Variants in AFF2 observed in about 807,000 individuals in gnomAD.
The protein encoded by AFF2 is AF4/FMR2 family member 2.
Under a neutral mutation model 76.9 loss-of-function variants are expected in AFF2, and 14 were observed. The ratio of observed to expected loss-of-function variants is 0.18; its 90% CI spans 0.12 to 0.28. AFF2 has a LOEUF of 0.28. AFF2 is among the 10% of genes least tolerant of loss of function. The pLI is 1.00. For synonymous variants in AFF2, 398 were observed against 366.7 expected (o/e 1.09, Z -0.98); for missense variants, 868 against 1,001.1 (o/e 0.87, Z 1.79).
At position 148,987,545 on chromosome X, in the gene AFF2, A is replaced by G. The variant is rs781989413; in HGVS notation, c.3802A>G (p.Arg1268Gly). 5.0e-6 allele frequency: 6 copies of G among 1,209,676 alleles called. No individual in the cohort carries two copies. The highest frequency in any genetic ancestry group is 6.7e-6 in the Non-Finnish European group (6 of 893,871). The change falls in exon 20 of 21, where the codon AGA (arginine) becomes GGA (glycine). Residue 1268 changes from arginine to glycine, a missense_variant. Physicochemically the swap from Arg to Gly is moderately radical, Grantham distance 125. This residue lies in a region of AFF2 where 33 missense variants were observed against 63.6 expected (regional missense o/e 0.52). Coordinates refer to ENST00000370460, the MANE Select transcript of AFF2 (RefSeq NM_002025.4). ...CTGGGATATGGCCGACAAACTGACAAGAGAAAACAAAGGTATGCTCATCTG... is the reference window on the plus strand; with the variant it reads ...CTGGGATATGGCCGACAAACTGACAGGAGAAAACAAAGGTATGCTCATCTG... ...EHWDMADKLT[R>G]ENKEFFGDLD...
chrX:148,955,579 T>C (rs1351488706), intron 10 of AFF2, 24 bp from the exon 11 acceptor site: 1 of 1,182,479 alleles, frequency 8.5e-7, no homozygotes, highest in African/African-American at 1.8e-5. Context: ...AAAATCATTC[T>C]TGCTGCTGTT....
chrX:148,847,355 TGAG>T (rs1351947694), intron 7 of AFF2, among the ~76,000 whole-genome samples: 2 of 111,756 alleles, frequency 1.8e-5, no homozygotes, highest in African/African-American at 6.5e-5. Flanking sequence ...TGAGGACTGT[TGAG>T]GAGATGGCAG....
intron 1 of AFF2, among the ~76,000 whole-genome samples, chrX:148,614,158 G>A (rs1557249864): frequency 8.9e-6 from 1 of 112,125 alleles, no homozygotes; most frequent in Non-Finnish European, 1.9e-5. Flanking sequence ...ATTAGAAATG[G>A]AGACAAACCA....
At chrX:148,592,650 C>A (rs2124374754) in intron 1 of AFF2, among the ~76,000 whole-genome samples, 1 of 111,931 alleles carries the variant, frequency 8.9e-6, no homozygotes, top group African/African-American at 3.2e-5. Context: ...CTGTGACCTT[C>A]TCTGATCCTG....
chrX:148,677,489 T>C (rs1224313575), intron 3 of AFF2, among the ~76,000 whole-genome samples: 5 of 112,365 alleles, frequency 4.4e-5, no homozygotes, highest in Non-Finnish European at 9.4e-5. Flanking sequence ...TTGATAGTAC[T>C]TTAGAGAGCA....
At chrX:148,751,226 G>A (rs782313488) in intron 3 of AFF2, among the ~76,000 whole-genome samples, 4 of 112,368 alleles carry the variant, frequency 3.6e-5, no homozygotes, top group Non-Finnish European at 3.8e-5. Context: ...AACATTTTTG[G>A]TGAAGTTTCT....
At chrX:148,911,974 A>G (rs1338441930) in intron 9 of AFF2, among the ~76,000 whole-genome samples, 1 of 112,200 alleles carries the variant, frequency 8.9e-6, no homozygotes, top group East Asian at 2.8e-4. Context: ...TAGCAAATAC[A>G]TGGAATCAAC....
chrX:148,781,996 C>T (rs2069752290), intron 3 of AFF2, among the ~76,000 whole-genome samples: 1 of 110,843 alleles, frequency 9.0e-6, no homozygotes, highest in South Asian at 3.9e-4. Context: ...TGCTTCTGCT[C>T]GCCATCCTTG....
intron 3 of AFF2, among the ~76,000 whole-genome samples, chrX:148,799,982 C>T (rs781976318): frequency 9.0e-6 from 1 of 111,682 alleles, no homozygotes; most frequent in African/African-American, 3.2e-5. Context: ...TCTTAGCTAT[C>T]GTTTCATTTT....
intron 8 of AFF2, among the ~76,000 whole-genome samples, chrX:148,893,368 A>G (rs1387015014): frequency 9.0e-6 from 1 of 111,647 alleles, no homozygotes; most frequent in Non-Finnish European, 1.9e-5. Context: ...TGTGTGCTGA[A>G]TTTTTTTATT....
At chrX:148,915,247 T>C (rs782047245) in intron 9 of AFF2, among the ~76,000 whole-genome samples, 4 of 112,722 alleles carry the variant, frequency 3.5e-5, no homozygotes, top group Non-Finnish European at 7.5e-5. Flanking sequence ...AGGGGTATAT[T>C]ACATGTCATT....
chrX:148,540,481 A>C (rs782133609), intron 1 of AFF2, among the ~76,000 whole-genome samples: 1 of 109,972 alleles, frequency 9.1e-6, no homozygotes, highest in South Asian at 4.0e-4. Context: ...ATAGGAAAAA[A>C]ATATAATATA....
chrX:148,512,936 C>A (rs2052498039), intron 1 of AFF2, among the ~76,000 whole-genome samples: 1 of 111,351 alleles, frequency 9.0e-6, no homozygotes, highest in African/African-American at 3.3e-5. Context: ...CCTTTCCCTG[C>A]CTCTGGGTTT....
intron 1 of AFF2, among the ~76,000 whole-genome samples, chrX:148,618,533 A>G (rs1250306406): frequency 4.5e-5 from 5 of 111,357 alleles, no homozygotes; most frequent in Non-Finnish European, 9.4e-5. Flanking sequence ...ACACATGGGG[A>G]TTATTATAAT....
At chrX:148,772,666 A>G (rs1199624023) in intron 3 of AFF2, among the ~76,000 whole-genome samples, 1 of 109,533 alleles carries the variant, frequency 9.1e-6, no homozygotes, top group African/African-American at 3.3e-5. Context: ...TCCTCTGATG[A>G]AGCTGCATAA....
intron 3 of AFF2, among the ~76,000 whole-genome samples, chrX:148,723,783 G>A (rs1373913182): frequency 9.0e-6 from 1 of 111,600 alleles, no homozygotes; most frequent in Non-Finnish European, 1.9e-5. Flanking sequence ...AGCCCAAGAT[G>A]TCTGATTTGT....
intron 3 of AFF2, among the ~76,000 whole-genome samples, chrX:148,673,238 A>G (rs1031231557): frequency 8.9e-6 from 1 of 112,388 alleles, no homozygotes; most frequent in African/African-American, 3.2e-5. Flanking sequence ...TGGGAGGCAT[A>G]TTAGTTTCCT....
chrX:148,500,933 C>T lies in AFF2; in HGVS notation c.-165C>T. 1.6e-6 allele frequency: 1 copy of T among 612,219 alleles called. No individual in the cohort carries two copies. Among genetic ancestry groups the T allele is most frequent in the Non-Finnish European group, 2.4e-6 (1 of 418,989 alleles). 50.5% of individuals were successfully genotyped at this position (612,219 alleles called of 1,213,427 possible). A position where few individuals can be genotyped will look rare whatever the true frequency, so the allele number is the denominator to read the frequency against. On this transcript the variant is annotated 5_prime_UTR_variant, in exon 1 of 21. Coordinates refer to ENST00000370460, the MANE Select transcript of AFF2 (RefSeq NM_002025.4). ...CTCGCCGGAGCACAGGACCAGACAC[C>T]TCCAGCGCCCGCTGCTGCTGCCGAT... is the stretch of plus-strand genomic sequence containing the variant.
At chrX:148,894,922 A>T (rs923837043) in intron 8 of AFF2, among the ~76,000 whole-genome samples, 1 of 110,900 alleles carries the variant, frequency 9.0e-6, no homozygotes, top group East Asian at 2.8e-4. Context: ...CACAAAATTG[A>T]TTACTATTTA....
Sources: allele counts gnomAD v4.1 joint callset (sites outside exome capture counted in the v4.1 genomes callset), GRCh38; gene constraint gnomAD v4.1.1; regional missense constraint gnomAD v4.1.1; transcripts MANE v1.5; gene names NCBI Gene and HGNC (gene_info 2026-07-23, HGNC 2026-07-21).